The following STK3 variants were observed in gnomAD, a reference collection of about 807,000 sequenced individuals.
The protein encoded by STK3 is serine/threonine-protein kinase 3.
Under a neutral mutation model 58.0 loss-of-function variants are expected in STK3, and 41 were observed. The observed-to-expected ratio is 0.71, with a 90% confidence interval of 0.55 to 0.92. STK3 has a LOEUF of 0.92. STK3 is among the 40% of genes least tolerant of loss of function. The probability of loss-of-function intolerance (pLI) is 0.00; values close to 1 mark genes in which losing one functional copy is unlikely to be tolerated. For missense variants in STK3, 479 were observed against 602.7 expected, an observed-to-expected ratio of 0.79 and a Z score of 2.15; for synonymous variants, 170 against 191.0, an observed-to-expected ratio of 0.89 and a Z score of 0.91.
intron 6 of STK3, among the ~76,000 whole-genome samples, chr8:98,680,981 C>CT (rs371666746): frequency 0.31 from 38,122 of 124,676 alleles, 6,578 homozygotes; most frequent in East Asian, 0.49. Context: ...CCCCACCTTT[C>CT]TTTTTTTTTT....
At chr8:98,827,199 G>A (rs1478636967), upstream of STK3, among the ~76,000 whole-genome samples, 1 of 149,330 alleles carries the variant, frequency 6.7e-6, no homozygotes, top group Non-Finnish European at 1.5e-5. Flanking sequence ...AGCCGGGCCT[G>A]GTGATGCGCC....
At chr8:98,651,117 C>A (rs987872164) in intron 6 of STK3, among the ~76,000 whole-genome samples, 1 of 152,250 alleles carries the variant, frequency 6.6e-6, no homozygotes, top group African/African-American at 2.4e-5. Context: ...TGACACCTCA[C>A]ACGGCCGGGT....
At chr8:98,767,502 T>A in intron 2 of STK3, 131 bp from the exon 3 acceptor site, 1 of 838,998 alleles carries the variant, frequency 1.2e-6, no homozygotes, top group Non-Finnish European at 1.7e-6. Context: ...AAAATCAAAG[T>A]AAACAAGTAA....
At chr8:98,922,755 T>C (rs1399429233) in intron 1 of STK3, among the ~76,000 whole-genome samples, 2 of 152,266 alleles carry the variant, frequency 1.3e-5, no homozygotes, top group Admixed American at 6.5e-5. Flanking sequence ...AAGGCATTGG[T>C]TACAAACTAT....
rs79903680 is a variant in STK3 at position 98,835,880 on chromosome 8, A to G, written c.110+47767T>C. 8.6e-3 allele frequency among the ~76,000 whole-genome samples: 1,307 copies of G among 152,272 alleles called. 14 individuals carry two copies. The highest frequency in any genetic ancestry group is 0.029 in the African/African-American group (1,222 of 41,550). On this transcript the variant is annotated intron_variant, in intron 3 of 12. Transcript: ENST00000523601. ...CTTAGTCAGTTCAGGCTGCTATAAC[A>G]AAACATCATAAACTGTTGGCTTATA...
intron 10 of STK3, among the ~76,000 whole-genome samples, chr8:98,475,398 C>G (rs1586653048): frequency 6.6e-6 from 1 of 152,194 alleles, no homozygotes; most frequent in Non-Finnish European, 1.5e-5. Flanking sequence ...GCCTATTTAA[C>G]TTACTTCAAA....
At chr8:98,631,924 C>G (rs1437334830) in intron 6 of STK3, among the ~76,000 whole-genome samples, 1 of 152,258 alleles carries the variant, frequency 6.6e-6, no homozygotes, top group African/African-American at 2.4e-5. Flanking sequence ...CTCAGCCTCC[C>G]AAAGTGCTGG....
At chr8:98,617,009 G>A (rs200231958) in intron 6 of STK3, among the ~76,000 whole-genome samples, 5 of 151,764 alleles carry the variant, frequency 3.3e-5, no homozygotes, top group African/African-American at 7.3e-5. Context: ...CAGAATATAC[G>A]TTTTTTTCAG....
chr8:98,363,698 C>A, the STK3 span, among the ~76,000 whole-genome samples: 1 of 152,204 alleles, frequency 6.6e-6, no homozygotes, highest in South Asian at 2.1e-4. Flanking sequence ...GAACTTGAGG[C>A]CCCAAGGGGG....
At chr8:98,904,676 G>T (rs1838818108) in intron 1 of STK3, 1 of 672,890 alleles carries the variant, frequency 1.5e-6, no homozygotes, top group African/African-American at 1.8e-5. Flanking sequence ...ATTCCGTGTA[G>T]CTGCTGAAGC....
chr8:98,688,915 T>G (rs1420500741), intron 6 of STK3, among the ~76,000 whole-genome samples: 1 of 150,224 alleles, frequency 6.7e-6, no homozygotes, highest in Admixed American at 6.6e-5. Context: ...AAAGTCAGAG[T>G]AGAACTAAAT....
intron 3 of STK3, among the ~76,000 whole-genome samples, chr8:98,766,519 A>T (rs1053181391): frequency 6.6e-6 from 1 of 151,996 alleles, no homozygotes; most frequent in African/African-American, 2.4e-5. Flanking sequence ...CTGGGCTCAA[A>T]CAATCCTCCC....
intron 10 of STK3, among the ~76,000 whole-genome samples, chr8:98,518,221 C>T (rs543464728): frequency 3.9e-5 from 6 of 152,082 alleles, no homozygotes; most frequent in East Asian, 1.9e-4. Flanking sequence ...CAGGCCTGCT[C>T]ACTTAAATTT....
chr8:98,427,947 C>T (rs1252811490), intron 3 of STK3: 4 of 1,464,590 alleles, frequency 2.7e-6, no homozygotes, highest in Non-Finnish European at 3.6e-6. Context: ...GGTGTAGCGC[C>T]CCCGCGCGGC....
chr8:98,450,124 T>C (rs1447622534), downstream of STK3, among the ~76,000 whole-genome samples: 1 of 152,220 alleles, frequency 6.6e-6, no homozygotes, highest in East Asian at 1.9e-4. Context: ...CCTCCGTGTA[T>C]AGAGAATACT....
At chr8:98,561,096 A>G (rs1285516198) in intron 8 of STK3, among the ~76,000 whole-genome samples, 4 of 152,114 alleles carry the variant, frequency 2.6e-5, no homozygotes, top group African/African-American at 9.7e-5. Context: ...TAAAACTTCT[A>G]TAACACTACA....
intron 6 of STK3, among the ~76,000 whole-genome samples, chr8:98,673,117 G>A (rs1412519731): frequency 6.6e-6 from 1 of 152,108 alleles, no homozygotes; most frequent in Non-Finnish European, 1.5e-5. Flanking sequence ...TCATAGCCCA[G>A]GCACTCAGCT....
chr8:98,892,623 C>T (rs1290105715), intron 1 of STK3, among the ~76,000 whole-genome samples: 1 of 152,142 alleles, frequency 6.6e-6, no homozygotes, highest in African/African-American at 2.4e-5. Flanking sequence ...GTACACTCTC[C>T]CCGTTTCCTA....
intron 4 of STK3, among the ~76,000 whole-genome samples, chr8:98,719,144 A>T (rs1827229058): frequency 6.6e-6 from 1 of 152,192 alleles, no homozygotes; most frequent in East Asian, 1.9e-4. Context: ...ATAATGGACC[A>T]CTACAGACGG....
Sources: allele counts gnomAD v4.1 joint callset (sites outside exome capture counted in the v4.1 genomes callset), GRCh38; gene constraint gnomAD v4.1.1; transcripts MANE v1.5; gene names NCBI Gene and HGNC (gene_info 2026-07-23, HGNC 2026-07-21).